Variants in BMP7 observed in about 807,000 individuals in gnomAD.
The protein encoded by BMP7 is osteogenic protein 1.
In BMP7, 12 loss-of-function variants were observed where a neutral mutation model predicts 41.2. That is an observed-to-expected ratio of 0.29 (90% CI 0.19 to 0.47). BMP7 has a LOEUF of 0.47. BMP7 is among the 20% of genes least tolerant of loss of function. The probability of loss-of-function intolerance (pLI) is 0.99; values close to 1 mark genes in which losing one functional copy is unlikely to be tolerated. For missense variants in BMP7, 467 were observed against 606.0 expected (o/e 0.77, Z 2.41); for synonymous variants, 248 against 250.0 (o/e 0.99, Z 0.07).
intron 3 of BMP7, among the ~76,000 whole-genome samples, 180 bp downstream of exon 3, chr20:57,202,295 T>G (rs57200143): frequency 6.6e-6 from 1 of 152,144 alleles, no homozygotes; most frequent in Non-Finnish European, 1.5e-5. Context: ...ACATGTAATC[T>G]TCTTGTGAAA....
chr20:57,235,354 C>A (rs893021073), intron 1 of BMP7, among the ~76,000 whole-genome samples: 1 of 152,266 alleles, frequency 6.6e-6, no homozygotes, highest in Admixed American at 6.5e-5. Context: ...TTGGTGAACA[C>A]GTGTCCACTG....
intron 1 of BMP7, among the ~76,000 whole-genome samples, chr20:57,241,980 G>A (rs552551743): frequency 1.7e-4 from 26 of 152,258 alleles, no homozygotes; most frequent in South Asian, 4.1e-4. Flanking sequence ...AAAATGGGCC[G>A]CAAGCACATG....
Position 57,174,843 on chromosome 20 carries a change from G to A in BMP7, c.1035+88C>T. On this transcript the variant is annotated intron_variant, in intron 5 of 6. Coordinates refer to ENST00000395863, the MANE Select transcript of BMP7 (RefSeq NM_001719.3). This position sits in a 1 kb window ranked among gnomAD's most constrained non-coding sequence, Gnocchi z 4.3. ...TACTGGAGTCTTAACTGGCAGAGAT[G>A]AGAAACAAGACTGAGCACAGACCCG... 1 of 1,416,076 alleles carries A rather than the reference G, an allele frequency of 7.1e-7. No homozygotes were observed. The highest frequency in any genetic ancestry group is 9.7e-7 in the Non-Finnish European group (1 of 1,032,382). The allele number at this position is 1,416,076 out of a possible 1,614,324, so 87.7% of individuals were successfully genotyped here.
intron 2 of BMP7, among the ~76,000 whole-genome samples, chr20:57,207,805 C>T (rs963457315): frequency 6.8e-6 from 1 of 146,142 alleles, no homozygotes; most frequent in African/African-American, 2.5e-5. Flanking sequence ...CCCCATACCC[C>T]AGTTGGTTTT....
Position 57,173,197 on chromosome 20 carries a change from C to T in BMP7, c.1146+3G>A. ...CCACACCCCAAGATGGCGTGACACCCACCAGCGTCTGCACGATGGCGTGGT... is the reference window on the plus strand; with the variant it reads ...CCACACCCCAAGATGGCGTGACACCTACCAGCGTCTGCACGATGGCGTGGT... On this transcript the variant is annotated splice_donor_region_variant and intron_variant, in intron 6 of 6. Transcript: ENST00000395863. 1 of 1,613,802 alleles carries T rather than the reference C, an allele frequency of 6.2e-7. No individual in the cohort carries two copies. The highest frequency in any genetic ancestry group is 8.5e-7 in the Non-Finnish European group (1 of 1,179,678).
At chr20:57,192,291 G>GTA (rs1984385896) in intron 3 of BMP7, among the ~76,000 whole-genome samples, 1 of 132,062 alleles carries the variant, frequency 7.6e-6, no homozygotes, top group African/African-American at 2.9e-5. Context: ...AATATATATA[G>GTA]TATATATTAT....
intron 1 of BMP7, among the ~76,000 whole-genome samples, chr20:57,264,582 C>A (rs577971925): frequency 9.2e-5 from 14 of 152,332 alleles, no homozygotes; most frequent in South Asian, 8.3e-4. Flanking sequence ...CGTCGCGGCT[C>A]CAGTCGGAAA....
At chr20:57,187,636 G>T (rs1171883832) in intron 3 of BMP7, among the ~76,000 whole-genome samples, 1 of 151,280 alleles carries the variant, frequency 6.6e-6, no homozygotes, top group Non-Finnish European at 1.5e-5. Flanking sequence ...GCCACCATCT[G>T]GCAACCACAG....
At chr20:57,251,826 C>T (rs913238451) in intron 1 of BMP7, among the ~76,000 whole-genome samples, 23 of 152,112 alleles carry the variant, frequency 1.5e-4, no homozygotes, top group African/African-American at 4.8e-4. Context: ...CCCAGCTACT[C>T]GGGAGGCTGA....
chr20:57,242,806 C>A (rs1239778229), intron 1 of BMP7, among the ~76,000 whole-genome samples: 2 of 151,768 alleles, frequency 1.3e-5, no homozygotes, highest in Non-Finnish European at 2.9e-5. Context: ...AGTTTGAGAC[C>A]AGCCTGGCCA....
chr20:57,246,562 A>G (rs1168081676), intron 1 of BMP7, among the ~76,000 whole-genome samples: 1 of 152,210 alleles, frequency 6.6e-6, no homozygotes, highest in Non-Finnish European at 1.5e-5. Flanking sequence ...TCCAAATCCA[A>G]TGATGCTTAA....
At chr20:57,201,963 C>G (rs756881825) in intron 3 of BMP7, among the ~76,000 whole-genome samples, 9 of 152,204 alleles carry the variant, frequency 5.9e-5, no homozygotes, top group Non-Finnish European at 1.2e-4. Flanking sequence ...CAATGCCTTG[C>G]ACAAGGGCAA....
intron 2 of BMP7, among the ~76,000 whole-genome samples, chr20:57,222,732 A>C (rs986228511): frequency 6.6e-6 from 1 of 152,086 alleles, no homozygotes; most frequent in South Asian, 2.1e-4. Flanking sequence ...AAGGCAGCTC[A>C]AAACCAGAAC....
intron 3 of BMP7, among the ~76,000 whole-genome samples, chr20:57,187,870 G>A (rs1380151875): frequency 1.3e-5 from 2 of 152,152 alleles, no homozygotes; most frequent in African/African-American, 4.8e-5. Flanking sequence ...CCAGCCATCT[G>A]GAACCTGACG....
At chr20:57,201,434 C>A (rs1271896211) in intron 3 of BMP7, among the ~76,000 whole-genome samples, 1 of 151,970 alleles carries the variant, frequency 6.6e-6, no homozygotes. Flanking sequence ...TATGCCAGGC[C>A]ACCATTTATG....
At chr20:57,237,823 G>T (rs140301027) in intron 1 of BMP7, among the ~76,000 whole-genome samples, 1 of 152,212 alleles carries the variant, frequency 6.6e-6, no homozygotes, top group African/African-American at 2.4e-5. Flanking sequence ...CAGCATGGAC[G>T]TGAGAGCCGT....
At chr20:57,176,750 T>TCACACACACA (rs60465573) in intron 4 of BMP7, among the ~76,000 whole-genome samples, 15,874 of 135,062 alleles carry the variant, frequency 0.12, 1,092 homozygotes, top group Admixed American at 0.18. Context: ...CATTCTCCAT[T>TCACACACACA]CACACACACA....
chr20:57,264,554 G>C (rs1268474042), intron 1 of BMP7, among the ~76,000 whole-genome samples: 2 of 152,172 alleles, frequency 1.3e-5, no homozygotes, highest in Non-Finnish European at 1.5e-5. Flanking sequence ...TGCAGCCCCA[G>C]GCTCGCGTCG....
At chr20:57,233,767 T>C (rs1030850021) in intron 1 of BMP7, among the ~76,000 whole-genome samples, 2 of 152,230 alleles carry the variant, frequency 1.3e-5, no homozygotes, top group African/African-American at 2.4e-5. Flanking sequence ...GGCAACCCAC[T>C]CTGTAGACTT....
Sources: allele counts gnomAD v4.1 joint callset (sites outside exome capture counted in the v4.1 genomes callset), GRCh38; gene constraint gnomAD v4.1.1; non-coding constraint Gnocchi (gnomAD v3.1); transcripts MANE v1.5; gene names NCBI Gene and HGNC (gene_info 2026-07-23, HGNC 2026-07-21).